The following RB1CC1 variants were observed in gnomAD, a reference collection of about 807,000 sequenced individuals.
RB1CC1 encodes the protein RB1-inducible coiled-coil protein 1.
Under a neutral mutation model 177.5 loss-of-function variants are expected in RB1CC1, and 46 were observed. That is an observed-to-expected ratio of 0.26 (90% CI 0.20 to 0.33). The LOEUF is 0.33. Ranked by LOEUF, RB1CC1 falls within the 10% of genes least tolerant of loss-of-function variation. RB1CC1 has a pLI of 1.00. For missense variants in RB1CC1, 1,703 were observed against 1,816.3 expected (o/e 0.94, Z 1.13); for synonymous variants, 666 against 613.6 (o/e 1.09, Z -1.26).
chr8:52,638,706 C>T (rs929150986), intron 18 of RB1CC1, among the ~76,000 whole-genome samples: 3 of 151,976 alleles, frequency 2.0e-5, no homozygotes, highest in Non-Finnish European at 4.4e-5. Flanking sequence ...CTTTAAGAAA[C>T]TCTGTAAGTT....
At chr8:52,693,643 T>C (rs888228178) in intron 1 of RB1CC1, among the ~76,000 whole-genome samples, 3 of 152,186 alleles carry the variant, frequency 2.0e-5, no homozygotes, top group Admixed American at 6.5e-5. Context: ...AGTTCAACCA[T>C]TGTGGAAGAC....
At chr8:52,632,750 A>C (rs1396314030) in intron 20 of RB1CC1, among the ~76,000 whole-genome samples, 1 of 152,188 alleles carries the variant, frequency 6.6e-6, no homozygotes, top group Non-Finnish European at 1.5e-5. Flanking sequence ...GAACTACATC[A>C]AGCAAACCTG....
chr8:52,673,711 G>A, intron 7 of RB1CC1, 134 bp downstream of exon 7: 3 of 792,944 alleles, frequency 3.8e-6, no homozygotes, highest in Non-Finnish European at 5.6e-6. Context: ...TTCAACCTAT[G>A]TTAAAAGTTT....
At chr8:52,672,360 T>A (rs1852680664) in intron 7 of RB1CC1, among the ~76,000 whole-genome samples, 1 of 152,120 alleles carries the variant, frequency 6.6e-6, no homozygotes, top group African/African-American at 2.4e-5. Context: ...CTCCGTGAAA[T>A]TTCACACTGA....
rs549775486 is a variant in RB1CC1, at chr8:52,656,618, T to A, written c.3211A>T (p.Thr1071Ser). Residue 1071 changes from threonine (T) to serine (S), a missense_variant, in exon 15 of 24, where the codon ACT becomes TCT. Around this residue, in one of 6 missense-constraint regions of RB1CC1, gnomAD observed 1,169 missense variants for 1,184.7 expected, o/e 0.99. Coordinates refer to ENST00000025008, the MANE Select transcript of RB1CC1 (RefSeq NM_014781.5). ...TCCAGCAAAATTTTTATTTCATCAG[T>A]TTCTGCTTCCTTCAACGCAAGTTCA... ...EVELALKEAE[T>S]DEIKILLEES... 3 of 1,613,682 alleles carry A rather than the reference T, an allele frequency of 1.9e-6. No homozygotes were observed. In the African/African-American group the frequency reaches 4.0e-5, roughly 22 times the overall value.
chr8:52,680,983 TGTGTGTGTGTG>T (rs1853648540), intron 5 of RB1CC1, among the ~76,000 whole-genome samples: 1 of 126,936 alleles, frequency 7.9e-6, no homozygotes, highest in African/African-American at 3.3e-5. Context: ...TGTGTGTGTG[TGTGTGTGTGTG>T]TTTTTTTTTT....
chr8:52,674,401 A>T (rs543932794), intron 6 of RB1CC1, 127 bp from the exon 7 acceptor site: 236 of 798,584 alleles, frequency 3.0e-4, no homozygotes, highest in Non-Finnish European at 4.5e-4. Context: ...TTATACATAC[A>T]TAAACTAGTC....
At position 52,656,145 on chromosome 8, in the gene RB1CC1, T is replaced by G; in HGVS notation, c.3684A>C (p.Glu1228Asp). Residue 1228 changes from glutamate to aspartate, a missense_variant, in exon 15 of 24, where the codon GAA becomes GAC. Glu to Asp is a conservative substitution (Grantham distance 45). This residue lies in a region of RB1CC1 where 1,169 missense variants were observed against 1,184.7 expected (regional missense o/e 0.99). Transcript: ENST00000025008. ...CACAATTAAGCTTCTGAATTAACTG[T>G]TCTCTGTCTTGCTCCTGGCTGCTGA... is the stretch of plus-strand genomic sequence containing the variant. ...KLVSSQEQDR[E>D]QLIQKLNCEK... 1 of 1,613,872 alleles carries G rather than the reference T, an allele frequency of 6.2e-7. No homozygotes were observed. The highest frequency in any genetic ancestry group is 1.7e-5 in the Admixed American group (1 of 60,022).
At chr8:52,673,635 TATTA>T (rs1273423459) in intron 7 of RB1CC1, among the ~76,000 whole-genome samples, 3 of 152,118 alleles carry the variant, frequency 2.0e-5, no homozygotes, top group African/African-American at 7.2e-5. Context: ...AAATTTTTCC[TATTA>T]ATCTCAAATA....
At chr8:52,651,834 GAC>G (rs1850614103) in intron 15 of RB1CC1, among the ~76,000 whole-genome samples, 1 of 152,094 alleles carries the variant, frequency 6.6e-6, no homozygotes, top group African/African-American at 2.4e-5. Flanking sequence ...TTTTCCAAAT[GAC>G]CAACTCATGA....
intron 5 of RB1CC1, among the ~76,000 whole-genome samples, chr8:52,678,433 A>C (rs569814671): frequency 3.9e-5 from 6 of 152,158 alleles, no homozygotes; most frequent in African/African-American, 9.7e-5. Flanking sequence ...ACAACAACAA[A>C]AAAAGTATAG....
At chr8:52,624,106 C>G (rs1848221952) in intron 23 of RB1CC1, among the ~76,000 whole-genome samples, 1 of 151,796 alleles carries the variant, frequency 6.6e-6, no homozygotes, top group South Asian at 2.1e-4. Flanking sequence ...ATAGGAAAGA[C>G]AAAGTTGGTA....
At chr8:52,699,940 G>T (rs1378121715) in intron 1 of RB1CC1, among the ~76,000 whole-genome samples, 1 of 146,904 alleles carries the variant, frequency 6.8e-6, no homozygotes, top group Non-Finnish European at 1.5e-5. Context: ...TCTGAATGAT[G>T]CCAGGAGCTG....
intron 6 of RB1CC1, among the ~76,000 whole-genome samples, chr8:52,675,903 A>G (rs922538698): frequency 9.8e-4 from 148 of 151,274 alleles, no homozygotes; most frequent in Non-Finnish European, 1.7e-3. Flanking sequence ...AAAAAAAAAA[A>G]AAAGAAAAGA....
Position 52,642,423 on chromosome 8 carries a change from T to A in RB1CC1, c.4265A>T (p.Asp1422Val). 6.2e-7 allele frequency: 1 copy of A among 1,614,128 alleles called. No individual in the cohort carries two copies. The highest frequency in any genetic ancestry group is 8.5e-7 in the Non-Finnish European group (1 of 1,179,974). ...ACAPELPGESDRSAVETADEG... is the reference protein window; with the variant it reads ...ACAPELPGESVRSAVETADEG... ...ATCTGCTGTTTCCACAGCGGATCTA[T>A]CTGATTCACCTGGGAGTTCAGGTGC... The change falls in exon 18 of 24, where the codon GAT (aspartate) becomes GTT (valine). Residue 1422 changes from aspartate to valine, a missense_variant. Coordinates refer to ENST00000025008, the MANE Select transcript of RB1CC1 (RefSeq NM_014781.5).
intron 1 of RB1CC1, among the ~76,000 whole-genome samples, chr8:52,692,349 T>A (rs1297250878): frequency 2.6e-5 from 4 of 152,320 alleles, no homozygotes; most frequent in East Asian, 3.9e-4. Flanking sequence ...ATCTTTTTTT[T>A]AAAGTAAAAA....
chr8:52,651,693 C>A (rs762321416), intron 15 of RB1CC1, among the ~76,000 whole-genome samples: 1 of 152,168 alleles, frequency 6.6e-6, no homozygotes, highest in Non-Finnish European at 1.5e-5. Flanking sequence ...TTTTCTTTCA[C>A]CACAAAGCAC....
At chr8:52,713,824 G>C (rs961085924) in intron 1 of RB1CC1, among the ~76,000 whole-genome samples, 4 of 152,212 alleles carry the variant, frequency 2.6e-5, no homozygotes, top group Non-Finnish European at 4.4e-5. Context: ...CCACACCTCC[G>C]GCAGCCTAGT....
chr8:52,672,784 C>T (rs1297691686), intron 7 of RB1CC1, among the ~76,000 whole-genome samples: 1 of 152,100 alleles, frequency 6.6e-6, no homozygotes, highest in Non-Finnish European at 1.5e-5. Context: ...TTATTCTGAT[C>T]ACAATCATGT....
Sources: gnomAD v4.1 joint callset for allele counts (sites outside exome capture counted in the v4.1 genomes callset) on GRCh38, gnomAD v4.1.1 for gene constraint, gnomAD v4.1.1 regional missense constraint, MANE v1.5 for transcripts, NCBI Gene and HGNC (gene_info 2026-07-23, HGNC 2026-07-21) for gene names.